Variants in SLC4A10 observed in about 807,000 individuals in gnomAD.
SLC4A10 encodes sodium-driven chloride bicarbonate exchanger.
Under a neutral mutation model 137.7 loss-of-function variants are expected in SLC4A10, and 42 were observed. The observed-to-expected ratio is 0.30, with a 90% CI of 0.24 to 0.39. SLC4A10 has a LOEUF of 0.39. Ranked by LOEUF, SLC4A10 falls within the 10% of genes least tolerant of loss-of-function variation. The pLI is 1.00. For missense variants in SLC4A10, 925 were observed against 1,355.0 expected (o/e 0.68, Z 4.98); for synonymous variants, 474 against 464.1 (o/e 1.02, Z -0.27).
chr2:161,952,534 T>A (rs1393117650), intron 19 of SLC4A10, among the ~76,000 whole-genome samples: 1 of 152,178 alleles, frequency 6.6e-6, no homozygotes, highest in East Asian at 1.9e-4. Flanking sequence ...ATTGTGCAAA[T>A]AAATGATTAT....
At chr2:161,791,960 T>C (rs1487788011) in intron 2 of SLC4A10, among the ~76,000 whole-genome samples, 1 of 152,174 alleles carries the variant, frequency 6.6e-6, no homozygotes, top group African/African-American at 2.4e-5. Context: ...CTAAGAAATC[T>C]TACAAAAGTA....
intron 2 of SLC4A10, among the ~76,000 whole-genome samples, chr2:161,792,664 C>T (rs750338965): frequency 6.6e-5 from 10 of 152,146 alleles, no homozygotes; most frequent in Non-Finnish European, 1.3e-4. Flanking sequence ...AGTCCTCTCA[C>T]AATATAAACA....
intron 22 of SLC4A10, 42 bp from the exon 23 acceptor site, chr2:161,965,009 T>G (rs376274295): frequency 6.3e-7 from 1 of 1,580,012 alleles, no homozygotes; most frequent in Non-Finnish European, 8.6e-7. Context: ...CCTCTCGTTT[T>G]AATTTTTTTT....
chr2:161,659,616 C>A (rs1355772313), intron 1 of SLC4A10, among the ~76,000 whole-genome samples: 1 of 151,280 alleles, frequency 6.6e-6, no homozygotes, highest in Non-Finnish European at 1.5e-5. Context: ...GCACTTATGC[C>A]CCTTAAATTT....
At chr2:161,684,196 A>T (rs1202424759) in intron 1 of SLC4A10, among the ~76,000 whole-genome samples, 1 of 152,098 alleles carries the variant, frequency 6.6e-6, no homozygotes, top group South Asian at 2.1e-4. Context: ...AGGTTTATTC[A>T]TGTTGTAGCA....
intron 2 of SLC4A10, among the ~76,000 whole-genome samples, chr2:161,801,529 CAAAG>C (rs1450626540): frequency 1.3e-5 from 2 of 152,048 alleles, no homozygotes; most frequent in African/African-American, 4.8e-5. Context: ...CTACTTCAAA[CAAAG>C]AAAGCTTTAA....
intron 1 of SLC4A10, among the ~76,000 whole-genome samples, chr2:161,633,677 T>C (rs1285203858): frequency 6.6e-6 from 1 of 151,688 alleles, no homozygotes; most frequent in Non-Finnish European, 1.5e-5. Flanking sequence ...TGAATGAAAA[T>C]CATTACCTGA....
intron 15 of SLC4A10, among the ~76,000 whole-genome samples, chr2:161,926,966 A>C (rs9711345): frequency 0.33 from 49,739 of 151,508 alleles, 8,448 homozygotes; most frequent in Admixed American, 0.41. Context: ...GGGTAACCCA[A>C]CCTTTCTCTC....
intron 10 of SLC4A10, 60 bp from the exon 11 acceptor site, chr2:161,894,619 A>C (rs2063259411): frequency 4.3e-6 from 4 of 935,404 alleles, no homozygotes; most frequent in Non-Finnish European, 5.6e-6. Flanking sequence ...AAAACACTGA[A>C]CACATTAATA....
intron 1 of SLC4A10, among the ~76,000 whole-genome samples, chr2:161,674,266 G>C (rs1278890078): frequency 6.6e-6 from 1 of 152,138 alleles, no homozygotes; most frequent in Non-Finnish European, 1.5e-5. Flanking sequence ...CTGAACTACA[G>C]TGTCTCCATC....
At chr2:161,796,318 T>C (rs1030777933) in intron 2 of SLC4A10, among the ~76,000 whole-genome samples, 13 of 152,342 alleles carry the variant, frequency 8.5e-5, no homozygotes, top group Middle Eastern at 3.4e-3. Context: ...GTTCTTCTAA[T>C]GTGAATCAGC....
rs546255627 is a variant in SLC4A10, at chr2:161,720,121, C to A, written c.49-50852C>A. Among the ~76,000 whole-genome samples the A allele has an allele frequency of 1.6e-3, 247 of 152,182 alleles. 1 individual carries two copies. The highest frequency in any genetic ancestry group is 0.01 in the Middle Eastern group (3 of 294). On this transcript the variant is annotated intron_variant, in intron 1 of 26. Coordinates refer to ENST00000446997, the MANE Select transcript of SLC4A10 (RefSeq NM_001178015.2). ...TTCAACTTTCTACATATGGCTAGCC[C>A]GTTTTCCCAGCACCATTTATTAAAT...
chr2:161,769,168 A>C (rs2051259314), intron 1 of SLC4A10, among the ~76,000 whole-genome samples: 1 of 151,954 alleles, frequency 6.6e-6, no homozygotes. Flanking sequence ...AGCCCTTTCT[A>C]ACCCCTTGAG....
At chr2:161,938,520 T>TATTATAGATTATA (rs1474773294) in intron 15 of SLC4A10, among the ~76,000 whole-genome samples, 48 of 151,156 alleles carry the variant, frequency 3.2e-4, no homozygotes, top group Admixed American at 3.0e-3. Context: ...AGATTATACA[T>TATTATAGATTATA]TATTATCGAT....
chr2:161,723,656 GT>G (rs1312256472), intron 1 of SLC4A10, among the ~76,000 whole-genome samples: 14 of 152,180 alleles, frequency 9.2e-5, no homozygotes, highest in African/African-American at 3.4e-4. Flanking sequence ...TAAATCGACT[GT>G]TGGTGGCTCT....
intron 10 of SLC4A10, among the ~76,000 whole-genome samples, chr2:161,889,589 C>A (rs1467282785): frequency 1.3e-5 from 2 of 151,874 alleles, no homozygotes; most frequent in Admixed American, 1.3e-4. Context: ...TATAGTATTC[C>A]CTGATGGCAG....
intron 1 of SLC4A10, among the ~76,000 whole-genome samples, chr2:161,673,525 G>T (rs780625480): frequency 2.6e-5 from 4 of 152,162 alleles, no homozygotes; most frequent in Non-Finnish European, 5.9e-5. Flanking sequence ...GATTTTCCTA[G>T]CAGTGATGAA....
At position 161,720,893 on chromosome 2, in the gene SLC4A10, T is replaced by A. The variant is rs535317271; in HGVS notation, c.49-50080T>A. Reference sequence around the variant, plus strand: ...TCACCCAGGCTGGAGTACAGTGGCATGATCTTGGTCACTGCAACCTCTGCC... The same window carrying A: ...TCACCCAGGCTGGAGTACAGTGGCAAGATCTTGGTCACTGCAACCTCTGCC... On this transcript the variant is annotated intron_variant, in intron 1 of 26. Coordinates refer to ENST00000446997, the MANE Select transcript of SLC4A10 (RefSeq NM_001178015.2). 1.1e-3 allele frequency among the ~76,000 whole-genome samples: 169 copies of A among 151,952 alleles called. 2 individuals are homozygous for A. In the South Asian group the frequency reaches 0.02, roughly 18 times the overall value.
intron 1 of SLC4A10, among the ~76,000 whole-genome samples, chr2:161,696,652 T>C (rs962862892): frequency 3.3e-5 from 5 of 152,122 alleles, no homozygotes; most frequent in African/African-American, 1.2e-4. Context: ...TTTTTATGGC[T>C]GCATAGTATT....
Sources: gnomAD v4.1 joint callset for allele counts (sites outside exome capture counted in the v4.1 genomes callset) on GRCh38, gnomAD v4.1.1 for gene constraint, MANE v1.5 for transcripts, NCBI Gene and HGNC (gene_info 2026-07-23, HGNC 2026-07-21) for gene names.